ROBO2: variants seen among roughly 807,000 people sequenced by gnomAD.
ROBO2 encodes the protein roundabout homolog 2.
In ROBO2, 53 loss-of-function variants were observed where a neutral mutation model predicts 160.8. The ratio of observed to expected loss-of-function variants is 0.33; its 90% CI spans 0.26 to 0.41. ROBO2 has a LOEUF of 0.41. ROBO2 is among the 10% of genes least tolerant of loss of function. The probability of loss-of-function intolerance (pLI) is 1.00; values close to 1 mark genes in which losing one functional copy is unlikely to be tolerated. For synonymous variants in ROBO2, 664 were observed against 611.7 expected, an observed-to-expected ratio of 1.09 and a Z score of -1.26; for missense variants, 1,577 against 1,722.4, an observed-to-expected ratio of 0.92 and a Z score of 1.49.
intron 2 of ROBO2, among the ~76,000 whole-genome samples, chr3:75,995,416 T>A (rs940376113): frequency 2.6e-5 from 4 of 152,110 alleles, no homozygotes; most frequent in African/African-American, 9.7e-5. Context: ...AAGGGTGATG[T>A]TGGGCCCATT....
intron 2 of ROBO2, among the ~76,000 whole-genome samples, chr3:77,405,371 T>A (rs62249792): frequency 0.077 from 11,669 of 152,200 alleles, 526 homozygotes; most frequent in African/African-American, 0.099. Flanking sequence ...ATATGTAATT[T>A]ATTTAAACAT....
chr3:76,461,980 C>CT (rs1442962505), intron 2 of ROBO2, among the ~76,000 whole-genome samples: 1 of 152,056 alleles, frequency 6.6e-6, no homozygotes, highest in East Asian at 1.9e-4. Flanking sequence ...TTTTTCAGTT[C>CT]TTTATCTAAT....
intron 2 of ROBO2, among the ~76,000 whole-genome samples, chr3:76,541,669 G>A (rs552749425): frequency 1.0e-3 from 155 of 152,290 alleles, no homozygotes; most frequent in African/African-American, 3.7e-3. Context: ...GAGAGGAGGC[G>A]CTTCCCTGGA....
chr3:76,437,911 A>C (rs925998353), intron 2 of ROBO2, among the ~76,000 whole-genome samples: 1 of 152,304 alleles, frequency 6.6e-6, no homozygotes, highest in African/African-American at 2.4e-5. Context: ...GCCTTCAGAC[A>C]TGAAATTCAT....
chr3:76,171,772 C>T (rs2073049735), intron 2 of ROBO2, among the ~76,000 whole-genome samples: 1 of 152,012 alleles, frequency 6.6e-6, no homozygotes, highest in Admixed American at 6.6e-5. Flanking sequence ...TATTATTTCT[C>T]TTTCTCTCAT....
In ROBO2 at chr3:76,638,681, T is replaced by A. The variant is rs550011705; in HGVS notation, c.110-459333T>A. 1.6e-4 allele frequency among the ~76,000 whole-genome samples: 24 copies of A among 152,318 alleles called. No homozygotes were observed. The South Asian group carries it at 3.1e-3, about 20-fold the overall frequency. ...TAATAGGTATAATGTTGCTATTTTT[T>A]AAAAATTCAAAATTATAGTGATGAA... On this transcript the variant is annotated intron_variant, in intron 2 of 26. Coordinates refer to the ROBO2 transcript ENST00000487694.
At chr3:76,806,214 C>CATGTGT (rs1553912102) in intron 2 of ROBO2, among the ~76,000 whole-genome samples, 136 of 146,276 alleles carry the variant, frequency 9.3e-4, no homozygotes, top group African/African-American at 3.2e-3. Context: ...TTTCTGTGTG[C>CATGTGT]GTGTGTGTGT....
intron 2 of ROBO2, among the ~76,000 whole-genome samples, chr3:77,398,667 G>A (rs1039869035): frequency 6.6e-6 from 1 of 151,890 alleles, no homozygotes; most frequent in Non-Finnish European, 1.5e-5. Context: ...CTGCAACCTG[G>A]ATTTCCTGGG....
intron 1 of ROBO2, among the ~76,000 whole-genome samples, chr3:77,049,332 C>T (rs1438114861): frequency 6.6e-6 from 1 of 152,130 alleles, no homozygotes; most frequent in Non-Finnish European, 1.5e-5. Flanking sequence ...TCTCCACACA[C>T]ACACTCACAC....
intron 2 of ROBO2, among the ~76,000 whole-genome samples, chr3:76,063,634 C>A (rs1255832235): frequency 6.6e-6 from 1 of 152,088 alleles, no homozygotes; most frequent in Non-Finnish European, 1.5e-5. Context: ...GCATAAGCCA[C>A]TGTACCCAGC....
intron 2 of ROBO2, among the ~76,000 whole-genome samples, chr3:76,935,646 A>T (rs2149080708): frequency 6.6e-6 from 1 of 152,318 alleles, no homozygotes; most frequent in Non-Finnish European, 1.5e-5. Flanking sequence ...AGGTGCCAGC[A>T]GATTGGGTGT....
At chr3:77,240,838 G>A (rs939128607) in intron 2 of ROBO2, among the ~76,000 whole-genome samples, 1 of 152,230 alleles carries the variant, frequency 6.6e-6, no homozygotes, top group African/African-American at 2.4e-5. Context: ...GAAGGGACAT[G>A]TTTAGGGAAA....
intron 1 of ROBO2, among the ~76,000 whole-genome samples, chr3:75,935,796 C>G (rs537571450): frequency 6.6e-6 from 1 of 152,234 alleles, no homozygotes; most frequent in South Asian, 2.1e-4. Context: ...ATTGGGAGAT[C>G]TAGAACTAAA....
At chr3:76,297,820 G>T (rs916352885) in intron 2 of ROBO2, among the ~76,000 whole-genome samples, 2 of 151,418 alleles carry the variant, frequency 1.3e-5, no homozygotes, top group Non-Finnish European at 2.9e-5. Context: ...GTTTAGAAGA[G>T]AAACTGTGTT....
intron 2 of ROBO2, among the ~76,000 whole-genome samples, chr3:76,776,154 C>T (rs1450016362): frequency 6.6e-6 from 1 of 150,860 alleles, no homozygotes; most frequent in African/African-American, 2.4e-5. Flanking sequence ...TGGATCATCT[C>T]CCCAAAGAAA....
intron 2 of ROBO2, among the ~76,000 whole-genome samples, chr3:76,640,590 CGTGTGAGTGTGTGTGTGTGT>C (rs940014826): frequency 5.2e-4 from 20 of 38,510 alleles, no homozygotes; most frequent in Non-Finnish European, 8.9e-4. Context: ...TGCGTGTTTG[CGTGTGAGTGTGTGTGTGTGT>C]GTGTGTGTGT....
chr3:76,296,584 C>T (rs1709086875), intron 2 of ROBO2, among the ~76,000 whole-genome samples: 1 of 151,942 alleles, frequency 6.6e-6, no homozygotes, highest in South Asian at 2.1e-4. Context: ...ATTTATGTAT[C>T]TGTTAAAACA....
intron 2 of ROBO2, among the ~76,000 whole-genome samples, chr3:76,791,465 C>G (rs934548348): frequency 6.8e-6 from 1 of 147,870 alleles, no homozygotes; most frequent in Non-Finnish European, 1.5e-5. Flanking sequence ...CTCTCTCTCT[C>G]TTTTCTCTCT....
At chr3:76,799,135 A>T (rs1229390008) in intron 2 of ROBO2, among the ~76,000 whole-genome samples, 1 of 151,002 alleles carries the variant, frequency 6.6e-6, no homozygotes, top group Non-Finnish European at 1.5e-5. Context: ...AATCACTTGA[A>T]CCCAGGAGAC....
Sources: gnomAD v4.1 joint callset for allele counts (sites outside exome capture counted in the v4.1 genomes callset) on GRCh38, gnomAD v4.1.1 for gene constraint, MANE v1.5 for transcripts, NCBI Gene and HGNC (gene_info 2026-07-23, HGNC 2026-07-21) for gene names.